Variants in PAX2 observed in about 807,000 individuals in gnomAD.
PAX2 encodes paired box protein Pax-2.
Under a neutral mutation model 41.7 loss-of-function variants are expected in PAX2, and 9 were observed. That is an observed-to-expected ratio of 0.22 (90% CI 0.13 to 0.38). The LOEUF is 0.38. Ranked by LOEUF, PAX2 falls within the 10% of genes least tolerant of loss-of-function variation. PAX2 has a pLI of 1.00. For synonymous variants in PAX2, 221 were observed against 212.7 expected (o/e 1.04, Z -0.34); for missense variants, 418 against 531.6 (o/e 0.79, Z 2.10).
At chr10:100,788,988 C>T (rs1846991049) in intron 5 of PAX2, among the ~76,000 whole-genome samples, 1 of 152,092 alleles carries the variant, frequency 6.6e-6, no homozygotes, top group East Asian at 1.9e-4. Flanking sequence ...AGTGAGCTTA[C>T]ATCGTGGGTA....
At chr10:100,787,722 G>A (rs11190706) in intron 5 of PAX2, among the ~76,000 whole-genome samples, 22,784 of 151,902 alleles carry the variant, frequency 0.15, 2,195 homozygotes, top group Middle Eastern at 0.3. Context: ...AATTCCAAAG[G>A]CACCCCCTCA....
intron 5 of PAX2, among the ~76,000 whole-genome samples, chr10:100,781,960 CAA>C (rs1846647033): frequency 6.6e-6 from 1 of 151,804 alleles, no homozygotes; most frequent in Non-Finnish European, 1.5e-5. Context: ...GGAAGGGTGT[CAA>C]AGGGAAGGGG....
chr10:100,809,747 A>G (rs1346145535), intron 7 of PAX2, among the ~76,000 whole-genome samples: 1 of 152,190 alleles, frequency 6.6e-6, no homozygotes, highest in Admixed American at 6.5e-5. Context: ...TGAGATGAGT[A>G]CAATTATTCC....
At position 100,746,431 on chromosome 10, in the gene PAX2, C is replaced by T. The variant is rs1845178515; in HGVS notation, c.43+128C>T. The T allele has an allele frequency of 5.2e-6, 4 of 763,870 alleles. No individual in the cohort carries two copies. In the South Asian group the frequency reaches 5.5e-5, roughly 11 times the overall value. 47.3% of individuals were successfully genotyped at this position (763,870 alleles called of 1,614,324 possible). A position where few individuals can be genotyped will look rare whatever the true frequency, so the allele number is the denominator to read the frequency against. On this transcript the variant is annotated intron_variant, in intron 1 of 9. Coordinates refer to ENST00000355243, the MANE Select transcript of PAX2 (RefSeq NM_000278.5). ...GAGGCCTCCCTGGCTTCTGGTCCCT[C>T]TTTTCGTTCTTTCTCTCCCTCGCCC...
chr10:100,739,078 C>T (rs1437017840), intron 1 of PAX2, among the ~76,000 whole-genome samples: 1 of 151,104 alleles, frequency 6.6e-6, no homozygotes, highest in Non-Finnish European at 1.5e-5. Flanking sequence ...CAACTCTCAG[C>T]AGCAGCCCTA....
Position 100,826,922 on chromosome 10 carries a change from G to T in PAX2, c.1022-87G>T. 1.1e-6 allele frequency: 1 copy of T among 885,418 alleles called. No individual in the cohort carries two copies. The highest frequency in any genetic ancestry group is 1.9e-6 in the Non-Finnish European group (1 of 531,210). 54.8% of individuals were successfully genotyped at this position (885,418 alleles called of 1,614,324 possible). A position where few individuals can be genotyped will look rare whatever the true frequency, so the allele number is the denominator to read the frequency against. On this transcript the variant is annotated intron_variant, in intron 8 of 9. Transcript: ENST00000355243. The surrounding 1 kb of genome is among the most constrained non-coding windows in gnomAD (Gnocchi z 5.5). ...CACCTGCGCCTGAGACCCGGCGGGAGGAGCGGGCGGAGAAGCCACCGGCCG... is the reference window on the plus strand; with the variant it reads ...CACCTGCGCCTGAGACCCGGCGGGATGAGCGGGCGGAGAAGCCACCGGCCG...
chr10:100,749,696 C>G, intron 1 of PAX2, 50 bp from the exon 2 acceptor site: 1 of 1,577,364 alleles, frequency 6.3e-7, no homozygotes. Context: ...GACTAATGGC[C>G]GGTCCCTGCT....
chr10:100,757,248 A>G (rs1378966334), intron 3 of PAX2, among the ~76,000 whole-genome samples: 1 of 152,252 alleles, frequency 6.6e-6, no homozygotes, highest in Non-Finnish European at 1.5e-5. Flanking sequence ...CTCACAGGAC[A>G]TGACCTGCAG....
chr10:100,764,536 C>T (rs951039756), intron 3 of PAX2, among the ~76,000 whole-genome samples: 3 of 152,170 alleles, frequency 2.0e-5, no homozygotes, highest in African/African-American at 7.2e-5. Context: ...CATGGTCCCT[C>T]GTGAGCCCAG....
chr10:100,742,843 C>CTTTTT (rs61627823), upstream of PAX2, among the ~76,000 whole-genome samples: 17 of 41,240 alleles, frequency 4.1e-4, 2 homozygotes, highest in Non-Finnish European at 4.2e-4. Flanking sequence ...TTCTTTCTTC[C>CTTTTT]TTTTTTTTTT....
intron 3 of PAX2, among the ~76,000 whole-genome samples, chr10:100,756,327 T>A (rs1326020627): frequency 6.6e-6 from 1 of 152,202 alleles, no homozygotes; most frequent in African/African-American, 2.4e-5. Context: ...CTCTGCAGGT[T>A]GCCTCTTAAT....
rs1848585688 is a variant in PAX2, at chr10:100,826,858, CGCCCGGCCCGCCCGCCACG to C, written c.1022-147_1022-129del. ...GCGGACGCGGTGATCGCCCCACCTCCGCCCGGCCCGCCCGCCACGGCCATTACCCTGCCCGCGACACCTG... is the reference window on the plus strand; with the variant it reads ...GCGGACGCGGTGATCGCCCCACCTCCGCCATTACCCTGCCCGCGACACCTG... On this transcript the variant is annotated intron_variant, in intron 8 of 9. Transcript: ENST00000355243. The surrounding 1 kb of genome is among the most constrained non-coding windows in gnomAD (Gnocchi z 5.5). 1.4e-5 allele frequency: 9 copies of C among 646,840 alleles called. No homozygotes were observed. 40.1% of individuals were successfully genotyped at this position (646,840 alleles called of 1,614,324 possible).
intron 5 of PAX2, 118 bp from the exon 6 acceptor site, chr10:100,806,312 T>G: frequency 1.9e-6 from 2 of 1,027,170 alleles, no homozygotes; most frequent in Non-Finnish European, 3.0e-6. Context: ...GAGTAAGGGG[T>G]CCCATAGGGG....
rs1385377386 is a variant in PAX2 at position 100,827,139 on chromosome 10, C to CG, written c.1108+46dup. On this transcript the variant is annotated intron_variant, in intron 9 of 9. Transcript: ENST00000355243. This position sits in a 1 kb window ranked among gnomAD's most constrained non-coding sequence, Gnocchi z 8.5. The stretch of plus-strand genomic sequence containing the variant: ...TGGCCGGCGGCTCAGCGCGGCCGCG[C>CG]GGCTTCTGGGCACGGTCCCACTCCC... The CG allele has an allele frequency of 2.0e-6, 3 of 1,504,466 alleles. No individual in the cohort carries two copies. 93.2% of individuals were successfully genotyped at this position (1,504,466 alleles called of 1,614,324 possible). A position where few individuals can be genotyped will look rare whatever the true frequency, so the allele number is the denominator to read the frequency against.
chr10:100,815,004 G>A (rs75864458), intron 7 of PAX2, among the ~76,000 whole-genome samples: 3 of 152,192 alleles, frequency 2.0e-5, no homozygotes, highest in Admixed American at 2.0e-4. Context: ...TTCTGAAAAG[G>A]GTTGCCAACT....
At position 100,824,520 on chromosome 10, in the gene PAX2, C is replaced by A; in HGVS notation, c.920-128C>A. The A allele has an allele frequency of 1.3e-6, 1 of 767,670 alleles. No homozygotes were observed. The highest frequency in any genetic ancestry group is 1.4e-5 in the South Asian group (1 of 70,986). 47.6% of individuals were successfully genotyped at this position (767,670 alleles called of 1,614,324 possible). On this transcript the variant is annotated intron_variant, in intron 7 of 9. Coordinates refer to ENST00000355243, the MANE Select transcript of PAX2 (RefSeq NM_000278.5). The surrounding 1 kb of genome is among the most constrained non-coding windows in gnomAD (Gnocchi z 6.6). ...GCGCATTCAGGTGCACAGTGGCACA[C>A]ATACCCCTGCACGTCTGCACAGAGC...
rs184975646 is a variant in PAX2, at chr10:100,793,518, G to A, written c.616+12153G>A. Among the ~76,000 whole-genome samples the A allele has an allele frequency of 1.6e-3, 241 of 152,298 alleles. 1 individual carries two copies. The highest frequency in any genetic ancestry group is 5.4e-3 in the African/African-American group (225 of 41,566). The stretch of plus-strand genomic sequence containing the variant: ...CTGTGACTTGGCAGTGGGGTGCCAC[G>A]CTCTTCTTCTCCACAGGTAACCTGG... On this transcript the variant is annotated intron_variant, in intron 5 of 9. Coordinates refer to ENST00000355243, the MANE Select transcript of PAX2 (RefSeq NM_000278.5).
intron 3 of PAX2, among the ~76,000 whole-genome samples, chr10:100,775,488 C>T (rs1460366591): frequency 6.6e-6 from 1 of 151,840 alleles, no homozygotes; most frequent in East Asian, 1.9e-4. Context: ...TAGTAACTCA[C>T]AGCAGGCACC....
intron 3 of PAX2, among the ~76,000 whole-genome samples, chr10:100,770,342 G>A (rs1846168299): frequency 6.6e-6 from 1 of 152,194 alleles, no homozygotes; most frequent in African/African-American, 2.4e-5. Flanking sequence ...AGGATCATGG[G>A]GGTGGACAGC....
Sources: gnomAD v4.1 joint callset for allele counts (sites outside exome capture counted in the v4.1 genomes callset) on GRCh38, gnomAD v4.1.1 for gene constraint, Gnocchi (gnomAD v3.1) non-coding constraint, MANE v1.5 for transcripts, NCBI Gene and HGNC (gene_info 2026-07-23, HGNC 2026-07-21) for gene names.